Variants in ACOT11 observed in about 807,000 individuals in gnomAD.
ACOT11 encodes acyl-CoA thioesterase 11, also known as acyl-coenzyme A thioesterase 11.
Under a neutral mutation model 77.5 loss-of-function variants are expected in ACOT11, and 69 were observed. The ratio of observed to expected loss-of-function variants is 0.89; its 90% CI spans 0.73 to 1.09. ACOT11 has a LOEUF of 1.09. Among genes scored for constraint, ACOT11 ranks in the 50% least tolerant of loss-of-function variants. The pLI, the probability that ACOT11 is intolerant of heterozygous loss-of-function variation, is 0.00. For synonymous variants in ACOT11, 279 were observed against 313.0 expected (o/e 0.89, Z 1.15); for missense variants, 766 against 813.7 (o/e 0.94, Z 0.71).
chr1:54,605,188 C>G lies in ACOT11; in HGVS notation c.1349C>G (p.Pro450Arg), dbSNP rs926534757. ...FLLLSDLRQR[P>R]EWDKHYRSVE... ...CTGCTCTCGGACCTGCGTCAGAGGCCAGAGTGGGACAAGCACTACCGGTGA... is the reference window on the plus strand; with the variant it reads ...CTGCTCTCGGACCTGCGTCAGAGGCGAGAGTGGGACAAGCACTACCGGTGA... Residue 450 changes from proline to arginine, a missense_variant, in exon 13 of 16, where the codon CCA becomes CGA. Transcript: ENST00000343744. 5.0e-6 allele frequency: 8 copies of G among 1,613,514 alleles called. No homozygotes were observed. The highest frequency in any genetic ancestry group is 5.9e-6 in the Non-Finnish European group (7 of 1,180,008).
At chr1:54,564,014 C>T (rs1259943997) in intron 1 of ACOT11, among the ~76,000 whole-genome samples, 1 of 150,750 alleles carries the variant, frequency 6.6e-6, no homozygotes, top group Admixed American at 6.6e-5. Context: ...TGCAGTGAGC[C>T]GAGATTGTGC....
chr1:54,582,633 T>C lies in ACOT11; in HGVS notation c.34-2022T>C, dbSNP rs139295302. ...AGAGAGGACCAGAGCTTAGGTATCA[T>C]GACTGCTGGTCCAGGACTGTGCCCG... On this transcript the variant is annotated intron_variant, in intron 1 of 15. Coordinates refer to ENST00000343744, the MANE Select transcript of ACOT11 (RefSeq NM_147161.4). 1,076 of 542,550 alleles carry C rather than the reference T, an allele frequency of 2.0e-3. 6 individuals carry two copies. The African/African-American group carries it at 0.021, about 11-fold the overall frequency. The allele number at this position is 542,550 out of a possible 1,614,324, so 33.6% of individuals were successfully genotyped here. A position where few individuals can be genotyped will look rare whatever the true frequency, so the allele number is the denominator to read the frequency against.
At chr1:54,582,131 G>C (rs1439680443) in intron 1 of ACOT11, among the ~76,000 whole-genome samples, 1 of 152,192 alleles carries the variant, frequency 6.6e-6, no homozygotes, top group Non-Finnish European at 1.5e-5. Flanking sequence ...TTCTGACAGG[G>C]TTCTAGAGCT....
intron 15 of ACOT11, among the ~76,000 whole-genome samples, chr1:54,618,505 AAAAC>A (rs962432760): frequency 5.9e-5 from 9 of 152,262 alleles, no homozygotes; most frequent in East Asian, 3.9e-4. Flanking sequence ...ATCCTGTCTC[AAAAC>A]AAACAAACAA....
chr1:54,611,628 C>T (rs1644119520), downstream of ACOT11: 1 of 1,613,990 alleles, frequency 6.2e-7, no homozygotes. Flanking sequence ...TGAACTGTGA[C>T]AGGAGAGGCT....
chr1:54,630,555 C>T (rs1309536464), intron 15 of ACOT11, among the ~76,000 whole-genome samples: 1 of 152,216 alleles, frequency 6.6e-6, no homozygotes, highest in Non-Finnish European at 1.5e-5. Flanking sequence ...CCCTTCGTTT[C>T]CCATAAGGGA....
At chr1:54,568,387 G>A (rs1229494498) in intron 1 of ACOT11, among the ~76,000 whole-genome samples, 4 of 132,474 alleles carry the variant, frequency 3.0e-5, no homozygotes, top group Non-Finnish European at 6.3e-5. Context: ...TTTTTGAGAC[G>A]GAGTTTTGTT....
intron 12 of ACOT11, 74 bp downstream of exon 12, chr1:54,604,503 C>G: frequency 7.6e-7 from 1 of 1,311,862 alleles, no homozygotes; most frequent in Admixed American, 1.8e-5. Flanking sequence ...AACAAGAACT[C>G]TCCCACACCA....
rs1422929234 is a variant in ACOT11 at position 54,615,939 on chromosome 1, T to C, written c.1629+7871T>C. The stretch of plus-strand genomic sequence containing the variant: ...CACCTCGTGTCAGGGCTGGACTTGC[T>C]TCCCAGTGAGGGATCTCTGCACATG... On this transcript the variant is annotated intron_variant, in intron 15 of 16. Transcript: ENST00000371316. The C allele has an allele frequency of 1.8e-5, 26 of 1,464,582 alleles. No homozygotes were observed. In the Admixed American group the frequency reaches 4.9e-4, roughly 28 times the overall value. 90.7% of individuals were successfully genotyped at this position (1,464,582 alleles called of 1,614,324 possible). A position where few individuals can be genotyped will look rare whatever the true frequency, so the allele number is the denominator to read the frequency against.
exon 17 of ACOT11, chr1:54,636,775 T>G (rs1265624951): frequency 6.5e-6 from 1 of 152,926 alleles, no homozygotes; most frequent in Non-Finnish European, 1.5e-5. Context: ...TAGGCAGAGG[T>G]CCCTGCGGCC....
rs117612692 is a variant in ACOT11, at chr1:54,604,851, C to T, written c.1237-225C>T. Reference sequence around the variant, plus strand: ...TGGATGGGCACCTGGCTGACAGGAACCACCACATGTTGCCTTAGTCACTGT... The same window carrying T: ...TGGATGGGCACCTGGCTGACAGGAATCACCACATGTTGCCTTAGTCACTGT... On this transcript the variant is annotated intron_variant, in intron 12 of 15. Transcript: ENST00000343744. 2.2e-4 allele frequency among the ~76,000 whole-genome samples: 33 copies of T among 152,314 alleles called. No individual in the cohort carries two copies. In the East Asian group the frequency reaches 6.0e-3, roughly 28 times the overall value.
intron 1 of ACOT11, among the ~76,000 whole-genome samples, chr1:54,583,917 C>G (rs917987421): frequency 5.5e-4 from 84 of 152,144 alleles, no homozygotes; most frequent in African/African-American, 2.0e-3. Context: ...TCCTCTTCCT[C>G]CCTTCCAAAG....
At chr1:54,617,384 C>T (rs1644183896) in intron 15 of ACOT11, among the ~76,000 whole-genome samples, 1 of 151,392 alleles carries the variant, frequency 6.6e-6, no homozygotes, top group Non-Finnish European at 1.5e-5. Flanking sequence ...TCTAGCACTG[C>T]TTCCCTGCAA....
intron 15 of ACOT11, among the ~76,000 whole-genome samples, chr1:54,615,614 G>A (rs549634210): frequency 9.9e-5 from 15 of 152,040 alleles, no homozygotes; most frequent in Admixed American, 7.2e-4. Flanking sequence ...CTGAGTTGCC[G>A]TGAGGATGAG....
In ACOT11 at chr1:54,610,215, C is replaced by A. The variant is rs1644102091; in HGVS notation, c.*1103C>A. 1.4e-6 allele frequency: 2 copies of A among 1,436,624 alleles called. No individual in the cohort carries two copies. Among genetic ancestry groups the A allele is most frequent in the East Asian group, 5.0e-5 (2 of 40,034 alleles). 89.0% of individuals were successfully genotyped at this position (1,436,624 alleles called of 1,614,324 possible). ...TGCAGCAATGTAGCTGAGGACTGGT[C>A]TGAAGGCCAGGAGCCCTGTGCTCTT... On this transcript the variant is annotated 3_prime_UTR_variant, in exon 16 of 16. Coordinates refer to ENST00000343744, the MANE Select transcript of ACOT11 (RefSeq NM_147161.4).
Position 54,548,345 on chromosome 1 carries a change from A to G in ACOT11, c.33+3A>G, listed in dbSNP as rs778337090. ...ATGTCGGAAATCACCTGCGACGGGT[A>G]TGGAGGGTGGGCTGGGGCAGCGGGA... On this transcript the variant is annotated splice_donor_region_variant and intron_variant, in intron 1 of 15. Coordinates refer to ENST00000343744, the MANE Select transcript of ACOT11 (RefSeq NM_147161.4). 5.6e-6 allele frequency: 9 copies of G among 1,601,418 alleles called. No homozygotes were observed. The Admixed American group carries it at 1.4e-4, about 24-fold the overall frequency.
chr1:54,569,988 T>G (rs1474435756), intron 1 of ACOT11, among the ~76,000 whole-genome samples: 18 of 152,226 alleles, frequency 1.2e-4, no homozygotes, highest in Admixed American at 1.2e-3. Context: ...ACATATTTAC[T>G]GAGCACTTAC....
At chr1:54,617,866 G>A (rs951277108) in intron 15 of ACOT11, among the ~76,000 whole-genome samples, 2 of 151,708 alleles carry the variant, frequency 1.3e-5, no homozygotes. Flanking sequence ...TGGGACTACA[G>A]GTATGCACCA....
chr1:54,564,027 C>T (rs1269738823), intron 1 of ACOT11, among the ~76,000 whole-genome samples: 3 of 150,722 alleles, frequency 2.0e-5, no homozygotes, highest in Admixed American at 1.3e-4. Flanking sequence ...GATTGTGCCA[C>T]TGCACTCCAG....
Sources: allele counts gnomAD v4.1 joint callset (sites outside exome capture counted in the v4.1 genomes callset), GRCh38; gene constraint gnomAD v4.1.1; transcripts MANE v1.5; gene names NCBI Gene and HGNC (gene_info 2026-07-23, HGNC 2026-07-21).